The following LRRC4C variants were observed in gnomAD, a reference collection of about 807,000 sequenced individuals.
The protein encoded by LRRC4C is leucine-rich repeat-containing protein 4C.
In LRRC4C, 5 loss-of-function variants were observed where a neutral mutation model predicts 33.6. The observed-to-expected ratio is 0.15, with a 90% CI of 0.08 to 0.31. The LOEUF (loss-of-function observed/expected upper bound fraction) is 0.31, where lower values mean the gene tolerates loss of function less well. Among genes scored for constraint, LRRC4C ranks in the 10% least tolerant of loss-of-function variants. LRRC4C has a pLI of 1.00. For synonymous variants in LRRC4C, 329 were observed against 302.0 expected (o/e 1.09, Z -0.93); for missense variants, 560 against 796.7 (o/e 0.70, Z 3.58).
At chr11:41,143,209 T>G (rs207471826) in intron 1 of LRRC4C, among the ~76,000 whole-genome samples, 1 of 138,548 alleles carries the variant, frequency 7.2e-6, no homozygotes, top group Non-Finnish European at 1.5e-5. Context: ...GACAAAAATA[T>G]GATAAAAGTG....
At chr11:41,414,033 T>C (rs1954588336) in intron 1 of LRRC4C, among the ~76,000 whole-genome samples, 1 of 152,178 alleles carries the variant, frequency 6.6e-6, no homozygotes, top group Non-Finnish European at 1.5e-5. Flanking sequence ...TAACTTTCAC[T>C]TCCACCCTGT....
chr11:41,145,631 C>T (rs1387538546), intron 1 of LRRC4C, among the ~76,000 whole-genome samples: 1 of 152,110 alleles, frequency 6.6e-6, no homozygotes, highest in Non-Finnish European at 1.5e-5. Flanking sequence ...TTTGTTGACC[C>T]TCCCATATAG....
chr11:40,559,097 A>G (rs1011911536), intron 3 of LRRC4C, among the ~76,000 whole-genome samples: 1 of 151,546 alleles, frequency 6.6e-6, no homozygotes, highest in Non-Finnish European at 1.5e-5. Flanking sequence ...TTTCTTGTCT[A>G]ATCTCTTATT....
chr11:40,350,831 ATTTTC>A (rs1306892717), intron 3 of LRRC4C, among the ~76,000 whole-genome samples: 33 of 151,638 alleles, frequency 2.2e-4, no homozygotes, highest in Admixed American at 1.9e-3. Flanking sequence ...ATTTTTAAGT[ATTTTC>A]TTTTACTTGT....
At chr11:40,500,003 C>A in intron 3 of LRRC4C, among the ~76,000 whole-genome samples, 1 of 152,118 alleles carries the variant, frequency 6.6e-6, no homozygotes, top group Middle Eastern at 3.4e-3. Flanking sequence ...CCTGTCCCAG[C>A]TTCCCAGAGA....
intron 2 of LRRC4C, among the ~76,000 whole-genome samples, chr11:40,661,649 A>G (rs1943445001): frequency 6.6e-6 from 1 of 152,216 alleles, no homozygotes; most frequent in African/African-American, 2.4e-5. Context: ...TTCAATATTA[A>G]ATAAGATAAC....
chr11:40,451,799 G>A (rs11820842), intron 3 of LRRC4C, among the ~76,000 whole-genome samples: 4,261 of 152,234 alleles, frequency 0.028, 115 homozygotes, highest in African/African-American at 0.068. Flanking sequence ...AAAAATAAAT[G>A]GAGGGGAGTA....
intron 2 of LRRC4C, among the ~76,000 whole-genome samples, chr11:40,763,107 T>TATATATGTATATATATA (rs1949301712): frequency 2.7e-5 from 1 of 36,404 alleles, no homozygotes; most frequent in East Asian, 4.6e-4. Context: ...ATATATATAT[T>TATATATGTATATATATA]TATGTATGTG....
chr11:40,644,782 G>A (rs1392308286), intron 3 of LRRC4C, among the ~76,000 whole-genome samples: 1 of 152,144 alleles, frequency 6.6e-6, no homozygotes, highest in African/African-American at 2.4e-5. Flanking sequence ...GAACGAAGTG[G>A]ATGTGGCTAT....
chr11:41,165,510 G>A (rs1944680481), intron 1 of LRRC4C, among the ~76,000 whole-genome samples: 1 of 152,028 alleles, frequency 6.6e-6, no homozygotes, highest in South Asian at 2.1e-4. Context: ...TATAGATGAG[G>A]TAAAAATTAC....
chr11:40,801,026 C>A (rs549990438), intron 2 of LRRC4C, among the ~76,000 whole-genome samples: 15 of 152,242 alleles, frequency 9.9e-5, no homozygotes, highest in Admixed American at 3.3e-4. Flanking sequence ...CAATTATTCA[C>A]CCACGTTAAT....
intron 3 of LRRC4C, among the ~76,000 whole-genome samples, chr11:40,634,049 C>A (rs950889923): frequency 6.6e-6 from 1 of 152,180 alleles, no homozygotes; most frequent in African/African-American, 2.4e-5. Context: ...GTTGTAGTCA[C>A]ACTTGGAAGA....
At chr11:41,068,254 A>C (rs1938406788) in intron 1 of LRRC4C, among the ~76,000 whole-genome samples, 1 of 152,094 alleles carries the variant, frequency 6.6e-6, no homozygotes, top group Non-Finnish European at 1.5e-5. Context: ...TTAGCTGGGC[A>C]TGGTGGCAAG....
intron 2 of LRRC4C, among the ~76,000 whole-genome samples, chr11:40,678,930 A>G (rs954813470): frequency 6.6e-6 from 1 of 152,162 alleles, no homozygotes; most frequent in Non-Finnish European, 1.5e-5. Context: ...TAACAGGCAG[A>G]GGTTGGAACA....
intron 2 of LRRC4C, among the ~76,000 whole-genome samples, chr11:40,896,134 T>C (rs969556842): frequency 4.6e-5 from 7 of 152,158 alleles, no homozygotes; most frequent in Admixed American, 2.6e-4. Context: ...CTTCACACGA[T>C]TGGGTCCATC....
chr11:40,353,175 T>C (rs1947495007), intron 3 of LRRC4C, among the ~76,000 whole-genome samples: 1 of 152,180 alleles, frequency 6.6e-6, no homozygotes, highest in African/African-American at 2.4e-5. Flanking sequence ...TACCCCAGTC[T>C]TTCTCTCTAC....
chr11:41,298,242 G>A (rs1373441574), intron 1 of LRRC4C, among the ~76,000 whole-genome samples: 6 of 152,084 alleles, frequency 3.9e-5, no homozygotes. Flanking sequence ...CAGATTTCAA[G>A]TACAAATTAC....
intron 3 of LRRC4C, among the ~76,000 whole-genome samples, chr11:40,614,701 T>A (rs145061307): frequency 5.3e-5 from 8 of 151,782 alleles, no homozygotes; most frequent in African/African-American, 1.9e-4. Context: ...GCCATGTGAG[T>A]CTTCCCTTCA....
At chr11:40,949,144 T>C (rs1958570305) in intron 1 of LRRC4C, among the ~76,000 whole-genome samples, 1 of 152,042 alleles carries the variant, frequency 6.6e-6, no homozygotes, top group South Asian at 2.1e-4. Flanking sequence ...TTTCACGTGT[T>C]TTTTGGCTGC....
Sources: gnomAD v4.1 joint callset for allele counts (sites outside exome capture counted in the v4.1 genomes callset) on GRCh38, gnomAD v4.1.1 for gene constraint, MANE v1.5 for transcripts, NCBI Gene and HGNC (gene_info 2026-07-23, HGNC 2026-07-21) for gene names.